Variants in CIMIP2C observed in about 807,000 individuals in gnomAD.
CIMIP2C encodes ciliary microtubule inner protein 2C, also known as UPF0573 protein C2orf70.
the CIMIP2C span, among the ~76,000 whole-genome samples, chr2:26,566,800 GC>G: frequency 6.6e-6 from 1 of 152,138 alleles, no homozygotes; most frequent in Non-Finnish European, 1.5e-5. Context: ...GCTCACTATA[GC>G]CTTAACCTCC....
the CIMIP2C span, chr2:26,579,351 G>A: frequency 1.0e-4 from 169 of 1,614,086 alleles, no homozygotes; most frequent in African/African-American, 2.0e-3. Context: ...CCGAGAACCT[G>A]AAGACCTACC....
At chr2:26,576,525 A>G in the CIMIP2C span, among the ~76,000 whole-genome samples, 1 of 152,032 alleles carries the variant, frequency 6.6e-6, no homozygotes, top group Non-Finnish European at 1.5e-5. Flanking sequence ...AATGCCATAT[A>G]TTTTGTAGGT....
At chr2:26,563,018 C>A in the CIMIP2C span, 1 of 345,438 alleles carries the variant, frequency 2.9e-6, no homozygotes, top group Admixed American at 4.7e-5. Flanking sequence ...TGGAGACGCC[C>A]CAGGCGGGCA....
chr2:26,579,266 A>C, the CIMIP2C span: 1 of 1,611,290 alleles, frequency 6.2e-7, no homozygotes, highest in Non-Finnish European at 8.5e-7. Context: ...GGCACACTGC[A>C]TAACACCAGT....
chr2:26,571,349 C>G, the CIMIP2C span, among the ~76,000 whole-genome samples: 1 of 152,172 alleles, frequency 6.6e-6, no homozygotes, highest in African/African-American at 2.4e-5. Context: ...CTCCAGTACC[C>G]ACCCTGGGAA....
the CIMIP2C span, among the ~76,000 whole-genome samples, chr2:26,566,363 G>GGAGA: frequency 3.9e-5 from 6 of 152,204 alleles, no homozygotes; most frequent in Non-Finnish European, 7.3e-5. Flanking sequence ...TCCATTGTCA[G>GGAGA]GAGAGTGGTC....
chr2:26,570,365 C>T, the CIMIP2C span, among the ~76,000 whole-genome samples: 3 of 152,342 alleles, frequency 2.0e-5, no homozygotes, highest in South Asian at 6.2e-4. Context: ...AATCAGGACT[C>T]CAGGGCATGG....
the CIMIP2C span, among the ~76,000 whole-genome samples, chr2:26,574,030 A>G: frequency 2.0e-5 from 3 of 152,224 alleles, no homozygotes; most frequent in African/African-American, 7.2e-5. Flanking sequence ...ATGCATTGCT[A>G]TCTAATTCCA....
At chr2:26,579,227 T>C in the CIMIP2C span, 5 of 1,573,700 alleles carry the variant, frequency 3.2e-6, no homozygotes, top group Non-Finnish European at 3.5e-6. Flanking sequence ...CGTGGGGCTG[T>C]GGGTGGGCAC....
At chr2:26,562,791 G>A in the CIMIP2C span, 3 of 998,676 alleles carry the variant, frequency 3.0e-6, no homozygotes, top group Non-Finnish European at 4.6e-6. Context: ...AAGGAACCCC[G>A]AGGAGCCAAT....
the CIMIP2C span, among the ~76,000 whole-genome samples, chr2:26,567,376 G>A: frequency 3.3e-5 from 5 of 152,214 alleles, no homozygotes; most frequent in Non-Finnish European, 7.3e-5. Context: ...TGAGAACAAG[G>A]ACATGTTTGC....
chr2:26,577,966 G>C, the CIMIP2C span: 1 of 313,360 alleles, frequency 3.2e-6, no homozygotes, highest in Non-Finnish European at 5.9e-6. Context: ...GTCCTAACGT[G>C]GGCGCCGATG....
the CIMIP2C span, among the ~76,000 whole-genome samples, chr2:26,574,356 C>T: frequency 7.2e-5 from 11 of 152,116 alleles, no homozygotes; most frequent in Non-Finnish European, 1.2e-4. Context: ...CATGGCTGGG[C>T]TCAGGTGGTG....
the CIMIP2C span, among the ~76,000 whole-genome samples, chr2:26,570,491 C>T: frequency 1.4e-4 from 22 of 152,322 alleles, 1 homozygote; most frequent in East Asian, 4.1e-3. Flanking sequence ...GAGACAAGTT[C>T]ATTCGGGTCT....
At chr2:26,577,608 G>T in the CIMIP2C span, 15 of 1,613,854 alleles carry the variant, frequency 9.3e-6, no homozygotes, top group Non-Finnish European at 1.3e-5. Flanking sequence ...AGCCGGAACG[G>T]TACCCCCTCC....
At chr2:26,572,013 G>A in the CIMIP2C span, 1 of 1,212,206 alleles carries the variant, frequency 8.2e-7, no homozygotes, top group Non-Finnish European at 1.1e-6. Context: ...AGAGATATTA[G>A]TACAAAAAGA....
chr2:26,572,212 T>C, the CIMIP2C span: 1 of 1,471,858 alleles, frequency 6.8e-7, no homozygotes, highest in Non-Finnish European at 9.1e-7. Context: ...AAATTAGTTT[T>C]ACTTTGACAG....
At chr2:26,577,177 C>A in the CIMIP2C span, among the ~76,000 whole-genome samples, 2 of 152,190 alleles carry the variant, frequency 1.3e-5, no homozygotes, top group Non-Finnish European at 2.9e-5. Context: ...ACAGGCCAGG[C>A]GGACATGGTG....
the CIMIP2C span, chr2:26,572,045 G>C: frequency 6.7e-7 from 1 of 1,491,436 alleles, no homozygotes; most frequent in Non-Finnish European, 9.0e-7. Flanking sequence ...GAGAGAGAGA[G>C]AGGATAAAAA....
Sources: allele counts gnomAD v4.1 joint callset (sites outside exome capture counted in the v4.1 genomes callset), GRCh38; gene constraint gnomAD v4.1.1; transcripts MANE v1.5; gene names NCBI Gene and HGNC (gene_info 2026-07-23, HGNC 2026-07-21).